Variants in RPRD1B observed in about 807,000 individuals in gnomAD.
RPRD1B encodes the protein regulation of nuclear pre-mRNA domain-containing protein 1B.
In RPRD1B, 11 loss-of-function variants were observed where a neutral mutation model predicts 41.5. The ratio of observed to expected loss-of-function variants is 0.27; its 90% CI spans 0.17 to 0.44. The LOEUF (loss-of-function observed/expected upper bound fraction) is 0.44, where lower values mean the gene tolerates loss of function less well. Among genes scored for constraint, RPRD1B ranks in the 20% least tolerant of loss-of-function variants. RPRD1B has a pLI of 1.00. For synonymous variants in RPRD1B, 158 were observed against 155.6 expected (o/e 1.02, Z -0.12); for missense variants, 248 against 389.9 (o/e 0.64, Z 3.06).
At chr20:38,049,719 T>C (rs1322521287) in intron 3 of RPRD1B, 1 of 471,176 alleles carries the variant, frequency 2.1e-6, no homozygotes, top group Admixed American at 2.3e-5. Flanking sequence ...ACTTGGCTTC[T>C]GGTTAGTTGT....
intron 3 of RPRD1B, 80 bp downstream of exon 3, chr20:38,048,561 G>A (rs1368083375): frequency 6.6e-7 from 1 of 1,514,008 alleles, no homozygotes; most frequent in South Asian, 1.3e-5. Flanking sequence ...AGTGGGGTTT[G>A]CTGTGAACCA....
chr20:38,034,202 C>T, intron 1 of RPRD1B, 104 bp downstream of exon 1: 22 of 1,256,982 alleles, frequency 1.8e-5, no homozygotes, highest in Non-Finnish European at 2.3e-5. Context: ...GCTTTCCAGG[C>T]CTGATCGAGC....
At chr20:38,085,009 T>A (rs2051706054) in intron 6 of RPRD1B, among the ~76,000 whole-genome samples, 1 of 152,204 alleles carries the variant, frequency 6.6e-6, no homozygotes. Context: ...TAGGGCAGGT[T>A]TGCCGCAGTA....
At chr20:38,065,045 T>TATGAAACGCTGCTTTC (rs1320489056) in intron 5 of RPRD1B, among the ~76,000 whole-genome samples, 7 of 152,332 alleles carry the variant, frequency 4.6e-5, no homozygotes, top group African/African-American at 1.7e-4. Context: ...ATGGGTATTT[T>TATGAAACGCTGCTTTC]ATGAAACGCT....
intron 3 of RPRD1B, among the ~76,000 whole-genome samples, chr20:38,052,700 CTGAT>C (rs1302567658): frequency 6.8e-6 from 1 of 147,030 alleles, no homozygotes; most frequent in Non-Finnish European, 1.5e-5. Flanking sequence ...AAACCTGTAA[CTGAT>C]TGCGATCAAT....
In RPRD1B at chr20:38,089,845, C is replaced by T. The variant is rs746139376; in HGVS notation, c.951C>T (p.Pro317=). 2.5e-6 allele frequency: 4 copies of T among 1,614,144 alleles called. No individual in the cohort carries two copies. Among genetic ancestry groups the T allele is most frequent in the Non-Finnish European group, 3.4e-6 (4 of 1,179,976 alleles). ...TCACAGGGGGCTTAGCCCCCCTGCCCTCTGCTGGGGACCTGTTTTCAACTG... is the reference window on the plus strand; with the variant it reads ...TCACAGGGGGCTTAGCCCCCCTGCCTTCTGCTGGGGACCTGTTTTCAACTG... ...PNVTGGLAPL[P]SAGDLFSTD Residue 317 remains proline, a synonymous_variant, in exon 7 of 7, where the codon CCC becomes CCT. Coordinates refer to ENST00000373433, the MANE Select transcript of RPRD1B (RefSeq NM_021215.4).
At chr20:38,073,126 A>G (rs1244598608) in intron 6 of RPRD1B, among the ~76,000 whole-genome samples, 1 of 152,234 alleles carries the variant, frequency 6.6e-6, no homozygotes, top group African/African-American at 2.4e-5. Flanking sequence ...GCAGGAAGAC[A>G]TCTTACACAG....
intron 6 of RPRD1B, among the ~76,000 whole-genome samples, chr20:38,080,236 C>A (rs962771785): frequency 1.3e-5 from 2 of 152,124 alleles, no homozygotes; most frequent in Non-Finnish European, 2.9e-5. Flanking sequence ...TTTTACTTTT[C>A]AGTTTGTTTT....
intron 1 of RPRD1B, among the ~76,000 whole-genome samples, 190 bp from the exon 2 acceptor site, chr20:38,040,245 T>C (rs1161514193): frequency 2.1e-5 from 2 of 96,324 alleles, no homozygotes; most frequent in Non-Finnish European, 3.7e-5. Context: ...CTTTTTCTTT[T>C]TCTTTTTTTT....
intron 2 of RPRD1B, among the ~76,000 whole-genome samples, chr20:38,045,351 C>T (rs1332687069): frequency 6.6e-6 from 1 of 152,134 alleles, no homozygotes; most frequent in Non-Finnish European, 1.5e-5. Context: ...TATCTAATTC[C>T]AGATGCCAAA....
chr20:38,040,619 T>G, intron 2 of RPRD1B, 55 bp downstream of exon 2: 6 of 1,563,822 alleles, frequency 3.8e-6, no homozygotes, highest in Non-Finnish European at 4.3e-6. Context: ...TCCCACCTTT[T>G]TGTTCTTTCC....
chr20:38,074,519 A>C (rs1459398264), intron 6 of RPRD1B, among the ~76,000 whole-genome samples: 1 of 152,238 alleles, frequency 6.6e-6, no homozygotes, highest in African/African-American at 2.4e-5. Context: ...CCCAGCAAGA[A>C]TTCATGCCTT....
chr20:38,049,367 CTTTTTTTTTTTTT>C (rs11481142), intron 3 of RPRD1B, among the ~76,000 whole-genome samples: 1 of 93,420 alleles, frequency 1.1e-5, no homozygotes, highest in African/African-American at 4.4e-5. Flanking sequence ...TTCTTTTTTT[CTTTTTTTTTTTTT>C]TTTTTTTTGA....
At chr20:38,079,218 T>G (rs2074491629) in intron 6 of RPRD1B, among the ~76,000 whole-genome samples, 1 of 152,134 alleles carries the variant, frequency 6.6e-6, no homozygotes, top group African/African-American at 2.4e-5. Flanking sequence ...CCTAGGCACA[T>G]GGAAGTGTAG....
At chr20:38,044,135 G>A (rs568814485) in intron 2 of RPRD1B, among the ~76,000 whole-genome samples, 10 of 152,278 alleles carry the variant, frequency 6.6e-5, no homozygotes, top group African/African-American at 2.4e-4. Context: ...GCAGCAGAGG[G>A]TGATGTGCAT....
Position 38,091,794 on chromosome 20 carries a change from G to A in RPRD1B, c.*1919G>A, listed in dbSNP as rs2074614192. The A allele has an allele frequency of 1.1e-5, 11 of 985,690 alleles. No individual in the cohort carries two copies. In the South Asian group the frequency reaches 5.2e-4, roughly 46 times the overall value. 61.1% of individuals were successfully genotyped at this position (985,690 alleles called of 1,614,324 possible). On this transcript the variant is annotated 3_prime_UTR_variant, in exon 7 of 7. Transcript: ENST00000373433. ...CTCTGATCAACTAGATGAAAATATAGCAGAATGGATTTAGCCCACTGCTCT... is the reference window on the plus strand; with the variant it reads ...CTCTGATCAACTAGATGAAAATATAACAGAATGGATTTAGCCCACTGCTCT...
In RPRD1B at chr20:38,040,609, T is replaced by G. The variant is rs369927552; in HGVS notation, c.281+45T>G. 1.9e-6 allele frequency: 3 copies of G among 1,575,380 alleles called. No individual in the cohort carries two copies. In the African/African-American group the frequency reaches 4.1e-5, roughly 22 times the overall value. On this transcript the variant is annotated intron_variant, in intron 2 of 6. Coordinates refer to ENST00000373433, the MANE Select transcript of RPRD1B (RefSeq NM_021215.4). The stretch of plus-strand genomic sequence containing the variant: ...GATTTGTTTTTAAATTCATTGCCTT[T>G]CCCACCTTTTTGTTCTTTCCTTTTC...
chr20:38,070,952 G>A (rs1163048468), intron 6 of RPRD1B, among the ~76,000 whole-genome samples: 1 of 152,046 alleles, frequency 6.6e-6, no homozygotes, highest in Admixed American at 6.6e-5. Context: ...GGCTGGTCTC[G>A]AACTCCTGAT....
In RPRD1B at chr20:38,084,680, A is replaced by C. The variant is rs144579442; in HGVS notation, c.832-5046A>C. Among the ~76,000 whole-genome samples the C allele has an allele frequency of 9.0e-4, 137 of 152,258 alleles. 1 individual carries two copies. The highest frequency in any genetic ancestry group is 3.2e-3 in the African/African-American group (131 of 41,554). On this transcript the variant is annotated intron_variant, in intron 6 of 6. Coordinates refer to ENST00000373433, the MANE Select transcript of RPRD1B (RefSeq NM_021215.4). ...TGTCTGGGTGCTCCGTGATGGGTGG[A>C]GTTCACGGTGTCAGCTGGATCCACA...
Sources: gnomAD v4.1 joint callset for allele counts (sites outside exome capture counted in the v4.1 genomes callset) on GRCh38, gnomAD v4.1.1 for gene constraint, MANE v1.5 for transcripts, NCBI Gene and HGNC (gene_info 2026-07-23, HGNC 2026-07-21) for gene names.